ERC2: variants seen among roughly 807,000 people sequenced by gnomAD.
ERC2 encodes the protein ERC protein 2.
Under a neutral mutation model 114.8 loss-of-function variants are expected in ERC2, and 42 were observed. The observed-to-expected ratio is 0.37, with a 90% CI of 0.29 to 0.47. The LOEUF is 0.47. Ranked by LOEUF, ERC2 falls within the 20% of genes least tolerant of loss-of-function variation. The pLI, the probability that ERC2 is intolerant of heterozygous loss-of-function variation, is 0.99. For synonymous variants in ERC2, 454 were observed against 425.5 expected (o/e 1.07, Z -0.82); for missense variants, 939 against 1,150.7 (o/e 0.82, Z 2.66).
intron 13 of ERC2, among the ~76,000 whole-genome samples, chr3:55,919,855 C>G (rs1414505720): frequency 6.6e-6 from 1 of 152,066 alleles, no homozygotes; most frequent in Non-Finnish European, 1.5e-5. Context: ...TGCAAAAGCC[C>G]CAAGGTGGAA....
chr3:56,410,659 T>C (rs2060907792), intron 2 of ERC2, among the ~76,000 whole-genome samples: 1 of 152,158 alleles, frequency 6.6e-6, no homozygotes, highest in South Asian at 2.1e-4. Context: ...GGTTTTGGTG[T>C]TTGTTTGGTT....
chr3:55,865,276 C>T (rs1302261898), intron 14 of ERC2, among the ~76,000 whole-genome samples: 1 of 152,164 alleles, frequency 6.6e-6, no homozygotes, highest in Non-Finnish European at 1.5e-5. Flanking sequence ...CAGTGCCTTT[C>T]ACTTGGTAAT....
At chr3:56,250,428 G>A (rs1200772897) in intron 3 of ERC2, among the ~76,000 whole-genome samples, 2 of 152,198 alleles carry the variant, frequency 1.3e-5, no homozygotes, top group African/African-American at 4.8e-5. Flanking sequence ...TGCTATTTGG[G>A]GTTCAGGAAG....
chr3:55,571,329 C>T (rs1355490996), intron 17 of ERC2, among the ~76,000 whole-genome samples: 1 of 151,972 alleles, frequency 6.6e-6, no homozygotes, highest in Non-Finnish European at 1.5e-5. Context: ...CTAGGGCTAG[C>T]TAACTCCTAG....
chr3:56,353,807 A>AAAAT lies in ERC2; in HGVS notation c.658-57373_658-57372insATTT, dbSNP rs1553929878. On this transcript the variant is annotated intron_variant, in intron 2 of 17. Transcript: ENST00000288221. The stretch of plus-strand genomic sequence containing the variant: ...TACCCTAGAACTTAACGTATAATAA[A>AAAAT]ATATATATATATATATAAAGAAATA... Among the ~76,000 whole-genome samples, 13 of 147,910 alleles carry AAAAT rather than the reference A, an allele frequency of 8.8e-5. No homozygotes were observed. The South Asian group carries it at 2.8e-3, about 32-fold the overall frequency.
intron 17 of ERC2, among the ~76,000 whole-genome samples, chr3:55,605,414 A>G (rs2058600627): frequency 6.6e-6 from 1 of 152,240 alleles, no homozygotes; most frequent in South Asian, 2.1e-4. Flanking sequence ...TTTAAAACAA[A>G]CAACAGAAAT....
At chr3:55,681,595 A>C (rs886793365) in intron 17 of ERC2, among the ~76,000 whole-genome samples, 3 of 152,222 alleles carry the variant, frequency 2.0e-5, no homozygotes, top group Non-Finnish European at 1.5e-5. Flanking sequence ...AAGCCTGAGG[A>C]TATCTAAGCA....
At chr3:55,709,229 C>A (rs956463683) in intron 15 of ERC2, among the ~76,000 whole-genome samples, 3 of 152,096 alleles carry the variant, frequency 2.0e-5, no homozygotes, top group African/African-American at 7.2e-5. Flanking sequence ...TAAAAGCCAG[C>A]AGCGCCCTCC....
At chr3:55,968,975 T>C (rs549949204) in intron 12 of ERC2, among the ~76,000 whole-genome samples, 4 of 152,266 alleles carry the variant, frequency 2.6e-5, no homozygotes, top group African/African-American at 7.2e-5. Flanking sequence ...AGGCAGCCAC[T>C]GAGAGGTGAG....
chr3:55,672,900 T>C (rs1338228348), intron 17 of ERC2, among the ~76,000 whole-genome samples: 1 of 152,058 alleles, frequency 6.6e-6, no homozygotes, highest in African/African-American at 2.4e-5. Context: ...CATGAAAAAA[T>C]GGCTCAACAG....
chr3:56,406,403 C>A (rs1411094310), intron 2 of ERC2, among the ~76,000 whole-genome samples: 1 of 152,054 alleles, frequency 6.6e-6, no homozygotes, highest in Non-Finnish European at 1.5e-5. Context: ...GGCTACAGTC[C>A]CCAGGGATGT....
rs141648216 is a variant in ERC2 at position 55,707,266 on chromosome 3, T to C, written c.2713-7754A>G. Among the ~76,000 whole-genome samples the C allele has an allele frequency of 4.3e-4, 66 of 152,044 alleles. 1 individual carries two copies. The East Asian group carries it at 0.011, about 26-fold the overall frequency. On this transcript the variant is annotated intron_variant, in intron 15 of 17. Transcript: ENST00000288221. ...TTGGGCAACATAGTGAAACCCCACG[T>C]CTACAAAAACAAAATACAAAAAATA...
In ERC2 at chr3:56,013,214, C is replaced by T. The variant is rs545429606; in HGVS notation, c.1780-2625G>A. ...TGGAAAGTAAAAGGAATAACATACT[C>T]CCTAGGATGCCATAATCCAGGGGAA... On this transcript the variant is annotated intron_variant, in intron 8 of 17. Transcript: ENST00000288221. Among the ~76,000 whole-genome samples the T allele has an allele frequency of 9.2e-5, 14 of 152,228 alleles. No homozygotes were observed. In the South Asian group the frequency reaches 2.3e-3, roughly 25 times the overall value.
intron 14 of ERC2, among the ~76,000 whole-genome samples, chr3:55,765,058 G>T: frequency 6.6e-6 from 1 of 152,214 alleles, no homozygotes; most frequent in Non-Finnish European, 1.5e-5. Flanking sequence ...AATCCAACAG[G>T]AGATCGCTTC....
intron 12 of ERC2, among the ~76,000 whole-genome samples, chr3:55,979,558 A>G (rs1175009000): frequency 6.6e-6 from 1 of 152,236 alleles, no homozygotes; most frequent in Non-Finnish European, 1.5e-5. Context: ...CACTGAAAAA[A>G]GTTACTTAAA....
chr3:55,801,455 T>C (rs2071040385), intron 14 of ERC2, among the ~76,000 whole-genome samples: 1 of 152,212 alleles, frequency 6.6e-6, no homozygotes, highest in Non-Finnish European at 1.5e-5. Flanking sequence ...ACAATTTCTA[T>C]GGAAAACCAA....
At chr3:55,748,335 C>T in intron 14 of ERC2, among the ~76,000 whole-genome samples, 1 of 152,192 alleles carries the variant, frequency 6.6e-6, no homozygotes, top group East Asian at 1.9e-4. Flanking sequence ...TCAATTTCTC[C>T]AACTCATTCA....
chr3:55,744,048 G>A (rs1234678842), intron 14 of ERC2, among the ~76,000 whole-genome samples: 1 of 152,186 alleles, frequency 6.6e-6, no homozygotes, highest in Non-Finnish European at 1.5e-5. Flanking sequence ...ATGGCAGATG[G>A]GAAGTTGGCT....
intron 14 of ERC2, among the ~76,000 whole-genome samples, chr3:55,876,822 G>C (rs2062872162): frequency 6.6e-6 from 1 of 152,170 alleles, no homozygotes; most frequent in Admixed American, 6.5e-5. Context: ...CTGAGGATTT[G>C]AATCTGAGAA....
Sources: allele counts gnomAD v4.1 joint callset (sites outside exome capture counted in the v4.1 genomes callset), GRCh38; gene constraint gnomAD v4.1.1; transcripts MANE v1.5; gene names NCBI Gene and HGNC (gene_info 2026-07-23, HGNC 2026-07-21).